Variants in MAF observed in about 807,000 individuals in gnomAD.
MAF encodes transcription factor Maf.
In MAF, 10 loss-of-function variants were observed where a neutral mutation model predicts 22.0. The observed-to-expected ratio is 0.45, with a 90% CI of 0.28 to 0.77. The LOEUF is 0.77. MAF is among the 30% of genes least tolerant of loss of function. The pLI is 0.12. For missense variants in MAF, 544 were observed against 548.4 expected (o/e 0.99, Z 0.08); for synonymous variants, 337 against 255.8 (o/e 1.32, Z -3.03).
At chr16:79,375,211 C>T in the MAF span, among the ~76,000 whole-genome samples, 1 of 152,134 alleles carries the variant, frequency 6.6e-6, no homozygotes, top group Non-Finnish European at 1.5e-5. Flanking sequence ...GGTTTGATGC[C>T]TCAAGTTGAA....
chr16:79,597,929 C>T, intron 1 of MAF: 1 of 1,038,838 alleles, frequency 9.6e-7, no homozygotes, highest in African/African-American at 1.7e-5. Context: ...TAATGGCAGA[C>T]TAAACTCTCA....
the MAF span, among the ~76,000 whole-genome samples, chr16:79,376,923 T>C: frequency 2.0e-5 from 3 of 152,352 alleles, no homozygotes; most frequent in African/African-American, 7.2e-5. Flanking sequence ...CAGTCTATCA[T>C]TGTTGGACAT....
At chr16:79,490,076 T>A in the MAF span, among the ~76,000 whole-genome samples, 5 of 152,218 alleles carry the variant, frequency 3.3e-5, no homozygotes, top group Admixed American at 6.5e-5. Context: ...CACCTGTGTG[T>A]GGCAAGGTAG....
the MAF span, among the ~76,000 whole-genome samples, chr16:79,290,326 A>G: frequency 6.6e-6 from 1 of 152,304 alleles, no homozygotes; most frequent in East Asian, 1.9e-4. Context: ...TTAATTTCCC[A>G]TAAATCATAC....
the MAF span, among the ~76,000 whole-genome samples, chr16:79,376,068 GGAGAACA>G: frequency 7.3e-5 from 11 of 151,722 alleles, no homozygotes; most frequent in African/African-American, 2.7e-4. Context: ...ACATTGCCTG[GGAGAACA>G]GTGAAGCAAC....
chr16:79,551,920 T>C, the MAF span, among the ~76,000 whole-genome samples: 2 of 152,042 alleles, frequency 1.3e-5, no homozygotes, highest in African/African-American at 4.8e-5. Context: ...ATCCCTGGCA[T>C]TAGAGGACTG....
chr16:79,381,947 C>A, the MAF span, among the ~76,000 whole-genome samples: 1 of 152,142 alleles, frequency 6.6e-6, no homozygotes, highest in African/African-American at 2.4e-5. Flanking sequence ...GCTCAACAGC[C>A]CCCTTTTCCT....
the MAF span, among the ~76,000 whole-genome samples, chr16:79,298,397 G>T: frequency 6.6e-6 from 1 of 152,354 alleles, no homozygotes; most frequent in Non-Finnish European, 1.5e-5. Context: ...CTTCGCTGGG[G>T]ATTACATTTG....
At chr16:79,314,230 T>C in the MAF span, among the ~76,000 whole-genome samples, 1 of 152,184 alleles carries the variant, frequency 6.6e-6, no homozygotes, top group African/African-American at 2.4e-5. Flanking sequence ...GACCAAATAC[T>C]TGCAAGGTGT....
the MAF span, among the ~76,000 whole-genome samples, chr16:79,273,029 A>G: frequency 1.3e-5 from 2 of 152,224 alleles, no homozygotes; most frequent in Non-Finnish European, 2.9e-5. Context: ...TTAAAATGAC[A>G]TTGTGCCGAA....
At chr16:79,354,836 AAC>A in the MAF span, among the ~76,000 whole-genome samples, 5 of 152,276 alleles carry the variant, frequency 3.3e-5, no homozygotes, top group East Asian at 9.6e-4. Flanking sequence ...AATTCTAGTG[AAC>A]ACACACACAG....
chr16:79,566,516 C>A, the MAF span, among the ~76,000 whole-genome samples: 42 of 152,334 alleles, frequency 2.8e-4, 1 homozygote, highest in South Asian at 2.9e-3. Flanking sequence ...CAGTGCTAAC[C>A]AAACCAACCA....
chr16:79,289,114 G>A, the MAF span, among the ~76,000 whole-genome samples: 1 of 152,218 alleles, frequency 6.6e-6, no homozygotes, highest in Non-Finnish European at 1.5e-5. Context: ...ATGAGGCCAT[G>A]CAAGGACTTG....
the MAF span, chr16:79,205,298 C>A: frequency 6.6e-6 from 1 of 152,220 alleles, no homozygotes; most frequent in East Asian, 1.9e-4. Flanking sequence ...GTCATAGACA[C>A]TGTCCCTAGT....
chr16:79,438,138 G>C, the MAF span, among the ~76,000 whole-genome samples: 2 of 151,822 alleles, frequency 1.3e-5, no homozygotes, highest in African/African-American at 2.4e-5. Context: ...GAAGAGAGTG[G>C]GGGCAGGAGG....
chr16:79,431,247 C>A, the MAF span, among the ~76,000 whole-genome samples: 1 of 152,082 alleles, frequency 6.6e-6, no homozygotes, highest in Non-Finnish European at 1.5e-5. Flanking sequence ...AGGAAGGCAG[C>A]GTGGTGATGA....
chr16:79,248,414 T>A, the MAF span, among the ~76,000 whole-genome samples: 1 of 152,202 alleles, frequency 6.6e-6, no homozygotes, highest in East Asian at 1.9e-4. Flanking sequence ...ATGCCCCTGG[T>A]TTTACAAGTA....
the MAF span, among the ~76,000 whole-genome samples, chr16:79,353,414 C>T: frequency 6.6e-6 from 1 of 152,268 alleles, no homozygotes; most frequent in East Asian, 1.9e-4. Flanking sequence ...CAGGCTTGAG[C>T]CACCGTGCCT....
chr16:79,400,640 A>G, the MAF span, among the ~76,000 whole-genome samples: 1 of 152,226 alleles, frequency 6.6e-6, no homozygotes, highest in African/African-American at 2.4e-5. Flanking sequence ...GTGATCAAGC[A>G]TCTCCTGATT....
Sources: gnomAD v4.1 joint callset for allele counts (sites outside exome capture counted in the v4.1 genomes callset) on GRCh38, gnomAD v4.1.1 for gene constraint, MANE v1.5 for transcripts, NCBI Gene and HGNC (gene_info 2026-07-23, HGNC 2026-07-21) for gene names.